Variants in SHC3 observed in about 807,000 individuals in gnomAD.
The protein encoded by SHC3 is SHC-transforming protein 3.
A neutral mutation model predicts 60.4 loss-of-function variants in SHC3; 15 were observed. That is an observed-to-expected ratio of 0.25 (90% CI 0.17 to 0.38). SHC3 has a LOEUF of 0.38. Ranked by LOEUF, SHC3 falls within the 10% of genes least tolerant of loss-of-function variation. The pLI is 1.00. For missense variants in SHC3, 677 were observed against 786.1 expected (o/e 0.86, Z 1.66); for synonymous variants, 294 against 325.9 (o/e 0.90, Z 1.05).
intron 2 of SHC3, among the ~76,000 whole-genome samples, chr9:89,104,576 C>A (rs1825829415): frequency 6.6e-6 from 1 of 152,208 alleles, no homozygotes; most frequent in Non-Finnish European, 1.5e-5. Context: ...CTGATGGATT[C>A]TTAAAGGAAT....
At chr9:89,166,997 G>A (rs1201844453) in intron 1 of SHC3, among the ~76,000 whole-genome samples, 3 of 152,178 alleles carry the variant, frequency 2.0e-5, no homozygotes, top group Non-Finnish European at 1.5e-5. Context: ...GTCTCCCAGT[G>A]GCAGCAGGGC....
At chr9:89,175,670 C>A (rs1826932380) in intron 1 of SHC3, among the ~76,000 whole-genome samples, 1 of 152,088 alleles carries the variant, frequency 6.6e-6, no homozygotes, top group Non-Finnish European at 1.5e-5. Flanking sequence ...AAAATTATAT[C>A]AAAGAGAATA....
At chr9:89,142,062 C>T (rs183477545) in intron 1 of SHC3, among the ~76,000 whole-genome samples, 49 of 152,178 alleles carry the variant, frequency 3.2e-4, no homozygotes, top group Non-Finnish European at 6.2e-4. Context: ...CTAATTCTGT[C>T]GCCCACAGCC....
intron 11 of SHC3, among the ~76,000 whole-genome samples, chr9:89,031,253 A>G (rs1437759197): frequency 6.6e-6 from 1 of 152,214 alleles, no homozygotes; most frequent in African/African-American, 2.4e-5. Flanking sequence ...TATAATCTAG[A>G]CACCACATTC....
chr9:89,130,452 C>T (rs1826227949), intron 1 of SHC3, among the ~76,000 whole-genome samples: 1 of 152,210 alleles, frequency 6.6e-6, no homozygotes, highest in Non-Finnish European at 1.5e-5. Context: ...CCCAAATCAA[C>T]AGAATATACA....
At chr9:89,071,050 G>T in intron 5 of SHC3, 149 bp downstream of exon 5, 2 of 638,622 alleles carry the variant, frequency 3.1e-6, no homozygotes, top group Non-Finnish European at 2.6e-6. Context: ...CGATGGCCAA[G>T]AAGATCTTCT....
At chr9:89,174,398 C>T (rs561845103) in intron 1 of SHC3, among the ~76,000 whole-genome samples, 43 of 152,316 alleles carry the variant, frequency 2.8e-4, no homozygotes, top group African/African-American at 9.9e-4. Flanking sequence ...GTTAAATCTC[C>T]TATAAATAGC....
chr9:89,125,210 G>T (rs1826147155), intron 1 of SHC3, among the ~76,000 whole-genome samples: 1 of 152,120 alleles, frequency 6.6e-6, no homozygotes, highest in African/African-American at 2.4e-5. Flanking sequence ...CCTCCCACGA[G>T]CTTCCCAGGA....
intron 11 of SHC3, among the ~76,000 whole-genome samples, chr9:89,029,925 A>G (rs1196964887): frequency 6.6e-6 from 1 of 152,206 alleles, no homozygotes; most frequent in Non-Finnish European, 1.5e-5. Flanking sequence ...ATCATATATC[A>G]TAAATAACAT....
At chr9:89,051,724 T>C (rs1056170986) in intron 7 of SHC3, among the ~76,000 whole-genome samples, 136 of 152,190 alleles carry the variant, frequency 8.9e-4, no homozygotes, top group African/African-American at 3.2e-3. Context: ...AGAGGTGACA[T>C]ATGGAACCAT....
At chr9:89,138,233 G>C (rs1362446248) in intron 1 of SHC3, among the ~76,000 whole-genome samples, 1 of 152,200 alleles carries the variant, frequency 6.6e-6, no homozygotes, top group African/African-American at 2.4e-5. Context: ...TTTGAGGCAA[G>C]TCCATAGAAC....
chr9:89,046,907 A>T lies in SHC3; in HGVS notation c.1050T>A (p.Pro350=), dbSNP rs1182011805. 3.1e-6 allele frequency: 5 copies of T among 1,610,722 alleles called. No homozygotes were observed. Among genetic ancestry groups the T allele is most frequent in the Middle Eastern group, 1.7e-4 (1 of 5,966 alleles). The change falls in exon 8 of 12, where the codon CCT becomes CCA. Residue 350 remains proline, a synonymous_variant. Transcript: ENST00000375835. ...PYYNSIPSKM[P]PPGGFLDTRL... ...TAGTATCAAGAAAGCCCCCTGGAGG[A>T]GGCATCTTGCTTGGGATGCTGTTGT...
intron 7 of SHC3, among the ~76,000 whole-genome samples, chr9:89,048,295 A>G (rs1824806800): frequency 6.6e-6 from 1 of 151,720 alleles, no homozygotes; most frequent in Non-Finnish European, 1.5e-5. Context: ...TAATGACTGG[A>G]TGAACAAAAG....
chr9:89,116,582 G>T (rs1826022137), intron 1 of SHC3, among the ~76,000 whole-genome samples: 1 of 152,200 alleles, frequency 6.6e-6, no homozygotes, highest in Non-Finnish European at 1.5e-5. Context: ...TCACAGTTAT[G>T]TGAACACCAT....
chr9:89,011,536 C>T lies in SHC3; in HGVS notation c.*1911G>A, dbSNP rs1326130569. 6.6e-6 allele frequency: 1 copy of T among 152,234 alleles called. No homozygotes were observed. The highest frequency in any genetic ancestry group is 1.5e-5 in the Non-Finnish European group (1 of 68,062). 9.4% of individuals were successfully genotyped at this position (152,234 alleles called of 1,614,324 possible). On this transcript the variant is annotated 3_prime_UTR_variant, in exon 12 of 12. Coordinates refer to ENST00000375835, the MANE Select transcript of SHC3 (RefSeq NM_016848.6). ...TGTCTCTCCAGGGCTCCCAGCCTCC[C>T]AGAGGACAGATGTGCAGGGCAGCTC...
intron 1 of SHC3, among the ~76,000 whole-genome samples, chr9:89,125,679 G>A (rs757818784): frequency 6.6e-6 from 1 of 152,164 alleles, no homozygotes; most frequent in South Asian, 2.1e-4. Context: ...AACCAAGATG[G>A]TGATGAGAGT....
chr9:89,071,159 T>C, intron 5 of SHC3, 40 bp downstream of exon 5: 1 of 1,603,158 alleles, frequency 6.2e-7, no homozygotes, highest in Non-Finnish European at 8.5e-7. Flanking sequence ...TTCTCAGAAA[T>C]TCCCAACAAG....
chr9:89,060,041 G>A (rs996560334), intron 6 of SHC3, among the ~76,000 whole-genome samples: 2 of 148,938 alleles, frequency 1.3e-5, no homozygotes, highest in African/African-American at 5.0e-5. Flanking sequence ...GTGGTGTTAG[G>A]ACGTGGTGGA....
intron 1 of SHC3, 24 bp from the exon 2 acceptor site, chr9:89,112,650 C>A: frequency 6.4e-7 from 1 of 1,572,638 alleles, no homozygotes; most frequent in Non-Finnish European, 8.6e-7. Flanking sequence ...AAATGTAAAT[C>A]GTGAGCCCTG....
Sources: gnomAD v4.1 joint callset for allele counts (sites outside exome capture counted in the v4.1 genomes callset) on GRCh38, gnomAD v4.1.1 for gene constraint, MANE v1.5 for transcripts, NCBI Gene and HGNC (gene_info 2026-07-23, HGNC 2026-07-21) for gene names.